The following NDST4 variants were observed in gnomAD, a reference collection of about 807,000 sequenced individuals.
The protein encoded by NDST4 is N-heparan sulfate sulfotransferase 4.
Under a neutral mutation model 100.8 loss-of-function variants are expected in NDST4, and 63 were observed. That is an observed-to-expected ratio of 0.62 (90% CI 0.51 to 0.77). The LOEUF (loss-of-function observed/expected upper bound fraction) is 0.77, where lower values mean the gene tolerates loss of function less well. Ranked by LOEUF, NDST4 falls within the 30% of genes least tolerant of loss-of-function variation. NDST4 has a pLI of 0.00. For synonymous variants in NDST4, 377 were observed against 361.8 expected, an observed-to-expected ratio of 1.04 and a Z score of -0.48; for missense variants, 943 against 1,018.4, an observed-to-expected ratio of 0.93 and a Z score of 1.01.
intron 2 of NDST4, among the ~76,000 whole-genome samples, chr4:115,011,274 C>T (rs902936981): frequency 6.6e-6 from 1 of 152,020 alleles, no homozygotes; most frequent in African/African-American, 2.4e-5. Flanking sequence ...AAACAATTAC[C>T]TTAACTGTGC....
intron 10 of NDST4, among the ~76,000 whole-genome samples, chr4:114,840,871 G>A (rs1217418014): frequency 1.3e-5 from 2 of 152,160 alleles, no homozygotes; most frequent in Admixed American, 1.3e-4. Flanking sequence ...AGGAATTGAT[G>A]AGTGGTTAAA....
At chr4:115,023,564 T>C (rs1001104066) in intron 2 of NDST4, among the ~76,000 whole-genome samples, 1 of 150,426 alleles carries the variant, frequency 6.6e-6, no homozygotes, top group African/African-American at 2.4e-5. Flanking sequence ...ATAAAAAAAT[T>C]AATAAATCAC....
intron 9 of NDST4, 127 bp from the exon 10 acceptor site, chr4:114,846,124 T>TA (rs1723545495): frequency 1.3e-6 from 1 of 772,270 alleles, no homozygotes; most frequent in East Asian, 2.8e-5. Flanking sequence ...TGTTATAGTT[T>TA]AAATAATAGA....
At chr4:114,880,497 T>C (rs374982999) in intron 6 of NDST4, among the ~76,000 whole-genome samples, 3 of 152,062 alleles carry the variant, frequency 2.0e-5, no homozygotes, top group Non-Finnish European at 4.4e-5. Context: ...AGTTCAGCCA[T>C]GGGGAGGAGA....
intron 2 of NDST4, among the ~76,000 whole-genome samples, chr4:115,046,619 ATGTG>A (rs36211109): frequency 1.3e-5 from 2 of 150,574 alleles, no homozygotes; most frequent in Non-Finnish European, 3.0e-5. Flanking sequence ...TCCCTGTGTG[ATGTG>A]TGTGTGTGTG....
At chr4:114,958,990 C>T (rs1726200919) in intron 4 of NDST4, among the ~76,000 whole-genome samples, 1 of 152,128 alleles carries the variant, frequency 6.6e-6, no homozygotes, top group Admixed American at 6.5e-5. Flanking sequence ...GACCCTAAAT[C>T]ATCTCTCTCA....
At chr4:114,964,870 G>A (rs1249141440) in intron 4 of NDST4, among the ~76,000 whole-genome samples, 1 of 150,840 alleles carries the variant, frequency 6.6e-6, no homozygotes, top group Non-Finnish European at 1.5e-5. Context: ...TTCTGTGACT[G>A]GCTTATTTCA....
At chr4:114,870,659 G>T in intron 7 of NDST4, 109 bp downstream of exon 7, 5 of 834,370 alleles carry the variant, frequency 6.0e-6, no homozygotes, top group Middle Eastern at 2.5e-4. Context: ...AGAGGATTTT[G>T]TGTTAAATTC....
intron 2 of NDST4, among the ~76,000 whole-genome samples, chr4:115,028,719 A>C (rs546165615): frequency 1.3e-5 from 2 of 152,134 alleles, no homozygotes; most frequent in Admixed American, 1.3e-4. Flanking sequence ...ACTAATTATG[A>C]ATAGGAATTA....
At chr4:114,844,716 C>T (rs1254145486) in intron 10 of NDST4, among the ~76,000 whole-genome samples, 1 of 152,014 alleles carries the variant, frequency 6.6e-6, no homozygotes, top group African/African-American at 2.4e-5. Flanking sequence ...TAATTAAAAC[C>T]ACAGTTAAAT....
At chr4:114,882,264 A>G (rs907306447) in intron 6 of NDST4, among the ~76,000 whole-genome samples, 3 of 152,046 alleles carry the variant, frequency 2.0e-5, no homozygotes, top group Non-Finnish European at 2.9e-5. Flanking sequence ...TTATTTTGCA[A>G]ACAAGAAGAT....
chr4:114,888,914 C>G (rs1477822002), intron 6 of NDST4, among the ~76,000 whole-genome samples: 3 of 151,980 alleles, frequency 2.0e-5, no homozygotes, highest in Non-Finnish European at 4.4e-5. Flanking sequence ...TTTTGGGAAT[C>G]AGAACACTAA....
At chr4:115,016,756 A>G (rs1002687328) in intron 2 of NDST4, among the ~76,000 whole-genome samples, 1 of 152,054 alleles carries the variant, frequency 6.6e-6, no homozygotes, top group Non-Finnish European at 1.5e-5. Flanking sequence ...GAAAAGTACA[A>G]CAACCCAATC....
chr4:114,892,714 T>C (rs1724625674), intron 6 of NDST4, among the ~76,000 whole-genome samples: 1 of 151,794 alleles, frequency 6.6e-6, no homozygotes, highest in Admixed American at 6.6e-5. Flanking sequence ...TGTCTCTATC[T>C]ACTTCCTAAT....
At chr4:115,059,700 A>G (rs1207452174) in intron 2 of NDST4, among the ~76,000 whole-genome samples, 1 of 152,072 alleles carries the variant, frequency 6.6e-6, no homozygotes, top group Non-Finnish European at 1.5e-5. Context: ...TTTTTTAAAA[A>G]GCGGGTACAT....
intron 2 of NDST4, among the ~76,000 whole-genome samples, chr4:115,000,107 T>C (rs551671979): frequency 6.6e-5 from 10 of 151,894 alleles, no homozygotes; most frequent in African/African-American, 1.9e-4. Context: ...ACCTGTGTTT[T>C]GAAATGTTAA....
At chr4:114,944,331 TA>T (rs1725814794) in intron 4 of NDST4, among the ~76,000 whole-genome samples, 1 of 152,150 alleles carries the variant, frequency 6.6e-6, no homozygotes, top group Admixed American at 6.5e-5. Flanking sequence ...AATCAAAGGT[TA>T]AAACAACTGT....
intron 2 of NDST4, among the ~76,000 whole-genome samples, chr4:115,037,565 T>G (rs1728260308): frequency 6.6e-6 from 1 of 151,950 alleles, no homozygotes; most frequent in Non-Finnish European, 1.5e-5. Context: ...TATGTATGTA[T>G]CTACCTTTCT....
At chr4:115,018,110 A>G (rs1436410269) in intron 2 of NDST4, among the ~76,000 whole-genome samples, 1 of 151,996 alleles carries the variant, frequency 6.6e-6, no homozygotes, top group Non-Finnish European at 1.5e-5. Context: ...ATGTACCACT[A>G]AAGGCTACTG....
Sources: allele counts gnomAD v4.1 joint callset (sites outside exome capture counted in the v4.1 genomes callset), GRCh38; gene constraint gnomAD v4.1.1; transcripts MANE v1.5; gene names NCBI Gene and HGNC (gene_info 2026-07-23, HGNC 2026-07-21).